DZIP1: variants seen among roughly 807,000 people sequenced by gnomAD.
The protein encoded by DZIP1 is cilium assembly protein DZIP1.
Under a neutral mutation model 107.6 loss-of-function variants are expected in DZIP1, and 97 were observed. That is an observed-to-expected ratio of 0.90 (90% confidence interval 0.77 to 1.07). The LOEUF (loss-of-function observed/expected upper bound fraction) is 1.07, where lower values mean the gene tolerates loss of function less well. Among genes scored for constraint, DZIP1 ranks in the 50% least tolerant of loss-of-function variants. The pLI is 0.00. For synonymous variants in DZIP1, 390 were observed against 386.4 expected, an observed-to-expected ratio of 1.01 and a Z score of -0.11; for missense variants, 1,035 against 1,063.6, an observed-to-expected ratio of 0.97 and a Z score of 0.37.
At chr13:95,642,329 A>G (rs1351294758) in intron 3 of DZIP1, 88 bp from the exon 4 acceptor site, 2 of 350,106 alleles carry the variant, frequency 5.7e-6, no homozygotes, top group South Asian at 9.7e-5. Context: ...CCGGCTCCCC[A>G]GGGCGCCACC....
chr13:95,609,655 T>C (rs2044915916), intron 12 of DZIP1, 142 bp from the exon 13 acceptor site: 2 of 462,252 alleles, frequency 4.3e-6, no homozygotes, highest in African/African-American at 2.0e-5. Context: ...AGAATAAATA[T>C]GTGTAACATA....
At position 95,580,691 on chromosome 13, in the gene DZIP1, A is replaced by G. The variant is rs1299422900; in HGVS notation, c.*1543T>C. 1 of 152,224 alleles carries G rather than the reference A, an allele frequency of 6.6e-6. No homozygotes were observed. The highest frequency in any genetic ancestry group is 1.5e-5 in the Non-Finnish European group (1 of 68,038). 9.4% of individuals were successfully genotyped at this position (152,224 alleles called of 1,614,324 possible). A position where few individuals can be genotyped will look rare whatever the true frequency, so the allele number is the denominator to read the frequency against. ...AACCAGACCAAGTGGTTCAATAAATATCTGCTGAATAAATAAATGAATGAA... is the reference window on the plus strand; with the variant it reads ...AACCAGACCAAGTGGTTCAATAAATGTCTGCTGAATAAATAAATGAATGAA... On this transcript the variant is annotated 3_prime_UTR_variant, in exon 23 of 23. Transcript: ENST00000376829.
At position 95,641,809 on chromosome 13, in the gene DZIP1, C is replaced by G. The variant is rs767788184; in HGVS notation, c.83G>C (p.Gly28Ala). The change falls in exon 5 of 23, where the codon GGG (glycine) becomes GCG (alanine). Residue 28 changes from glycine (G) to alanine (A), a missense_variant. Coordinates refer to ENST00000376829, the MANE Select transcript of DZIP1 (RefSeq NM_198968.4). The surrounding 1 kb of genome is among the most constrained non-coding windows in gnomAD (Gnocchi z 4.3). ...GGCGGCGGCCACAGCGACGTCGGGC[C>G]CCTCTGGGCCGCTGGCGAGCGGGTA... ...VYYPLASGPE[G>A]PDVAVAAAAA... is the part of the protein sequence containing the mutation. The G allele has an allele frequency of 6.8e-7, 1 of 1,479,340 alleles. No individual in the cohort carries two copies. Among genetic ancestry groups the G allele is most frequent in the Non-Finnish European group, 8.9e-7 (1 of 1,124,904 alleles). The allele number at this position is 1,479,340 out of a possible 1,614,324, so 91.6% of individuals were successfully genotyped here.
chr13:95,593,246 T>A (rs1041059743), intron 16 of DZIP1, among the ~76,000 whole-genome samples: 14 of 152,182 alleles, frequency 9.2e-5, no homozygotes, highest in African/African-American at 3.4e-4. Context: ...CATACACACA[T>A]GGATACATAC....
Position 95,642,040 on chromosome 13 carries a change from G to T in DZIP1, c.-11C>A. The T allele has an allele frequency of 6.4e-7, 1 of 1,566,410 alleles. No homozygotes were observed. The highest frequency in any genetic ancestry group is 8.6e-7 in the Non-Finnish European group (1 of 1,162,146). On this transcript the variant is annotated 5_prime_UTR_variant, in exon 4 of 23. Coordinates refer to ENST00000376829, the MANE Select transcript of DZIP1 (RefSeq NM_198968.4). ...TGCCTCAGCTTGCATAGGAGGAGCC[G>T]GGCGGTCTTTACCCAGCCTGGGCCG...
intron 10 of DZIP1, among the ~76,000 whole-genome samples, chr13:95,615,090 G>A (rs996732837): frequency 5.9e-5 from 9 of 152,162 alleles, no homozygotes; most frequent in Admixed American, 5.9e-4. Flanking sequence ...AAGGAGTGCA[G>A]CCTAGTGGTG....
chr13:95,640,964 G>A (rs1306562380), intron 5 of DZIP1, among the ~76,000 whole-genome samples: 1 of 152,138 alleles, frequency 6.6e-6, no homozygotes, highest in Non-Finnish European at 1.5e-5. Flanking sequence ...GCATCGTTTG[G>A]GGACTGGCTT....
At chr13:95,637,374 G>A (rs1160833877) in intron 5 of DZIP1, among the ~76,000 whole-genome samples, 2 of 152,144 alleles carry the variant, frequency 1.3e-5, no homozygotes, top group African/African-American at 4.8e-5. Flanking sequence ...CTCCAACTGT[G>A]ACTGTGTTTG....
At position 95,642,064 on chromosome 13, in the gene DZIP1, C is replaced by T. The variant is rs1478954953; in HGVS notation, c.-35G>A. 6.6e-7 allele frequency: 1 copy of T among 1,509,036 alleles called. No homozygotes were observed. The highest frequency in any genetic ancestry group is 2.7e-5 in the East Asian group (1 of 37,164). 93.5% of individuals were successfully genotyped at this position (1,509,036 alleles called of 1,614,324 possible). ...CGGGCGGTCTTTACCCAGCCTGGGCCGCCTCCCGGGCCGCCGCCGCCACAG... is the reference window on the plus strand; with the variant it reads ...CGGGCGGTCTTTACCCAGCCTGGGCTGCCTCCCGGGCCGCCGCCGCCACAG... On this transcript the variant is annotated 5_prime_UTR_variant, in exon 4 of 23. Coordinates refer to ENST00000376829, the MANE Select transcript of DZIP1 (RefSeq NM_198968.4).
At position 95,641,566 on chromosome 13, in the gene DZIP1, C is replaced by T. The variant is rs749077751; in HGVS notation, c.326G>A (p.Cys109Tyr). 1.2e-6 allele frequency: 2 copies of T among 1,613,784 alleles called. No individual in the cohort carries two copies. The highest frequency in any genetic ancestry group is 1.7e-6 in the Non-Finnish European group (2 of 1,180,034). The change falls in exon 5 of 23, where the codon TGC becomes TAC. Residue 109 changes from cysteine to tyrosine, a missense_variant. Transcript: ENST00000376829. The surrounding 1 kb of genome is among the most constrained non-coding windows in gnomAD (Gnocchi z 4.3). ...CAGCACCGGGTCCACCCCCGACTGGCAGTGTGGGCACTTCTCGTCTTCCAG... is the reference window on the plus strand; with the variant it reads ...CAGCACCGGGTCCACCCCCGACTGGTAGTGTGGGCACTTCTCGTCTTCCAG... ...CKLEDEKCPH[C>Y]QSGVDPVLLK...
intron 22 of DZIP1, among the ~76,000 whole-genome samples, chr13:95,583,678 C>T (rs1483095594): frequency 1.3e-5 from 2 of 152,064 alleles, no homozygotes; most frequent in Non-Finnish European, 2.9e-5. Context: ...GAGAAACCTC[C>T]CTTGGGAGAA....
At chr13:95,624,304 G>A (rs1459184885) in intron 8 of DZIP1, among the ~76,000 whole-genome samples, 4 of 152,152 alleles carry the variant, frequency 2.6e-5, no homozygotes, top group Non-Finnish European at 5.9e-5. Context: ...GTATGGACCA[G>A]GGCTGTTCCC....
In DZIP1 at chr13:95,589,206, T is replaced by A; in HGVS notation, c.1975A>T (p.Ile659Phe). 6.3e-7 allele frequency: 1 copy of A among 1,597,080 alleles called. No individual in the cohort carries two copies. Among genetic ancestry groups the A allele is most frequent in the Non-Finnish European group, 8.5e-7 (1 of 1,169,742 alleles). Residue 659 changes from isoleucine to phenylalanine, a missense_variant and splice_region_variant, in exon 19 of 23, where the codon ATT becomes TTT. Transcript: ENST00000376829. Reference sequence around the variant, plus strand: ...GGATCTTCCATGACATTTTTCTTAATTCTAAAAAAACAACAGAAAAATATT... The same window carrying A: ...GGATCTTCCATGACATTTTTCTTAAATCTAAAAAAACAACAGAAAAATATT... Reference protein sequence around the residue: ...VSTDRTSVPKIKKNVMEDPFP... With the variant: ...VSTDRTSVPKFKKNVMEDPFP...
At chr13:95,633,776 G>A (rs1350280082) in intron 5 of DZIP1, among the ~76,000 whole-genome samples, 2 of 151,244 alleles carry the variant, frequency 1.3e-5, no homozygotes, top group Non-Finnish European at 2.9e-5. Context: ...GATACTGAAA[G>A]CATGACTAAT....
chr13:95,623,861 C>T (rs1006296247), intron 8 of DZIP1, among the ~76,000 whole-genome samples: 1 of 152,146 alleles, frequency 6.6e-6, no homozygotes, highest in African/African-American at 2.4e-5. Context: ...ATCACTTGAA[C>T]CCAGGAGGCA....
intron 14 of DZIP1, among the ~76,000 whole-genome samples, chr13:95,599,840 C>T (rs2044562334): frequency 6.6e-6 from 1 of 152,182 alleles, no homozygotes; most frequent in East Asian, 1.9e-4. Context: ...TCCTGGGATT[C>T]CCACTTGTTC....
At chr13:95,612,385 C>T (rs756390467) in intron 10 of DZIP1, among the ~76,000 whole-genome samples, 4 of 152,164 alleles carry the variant, frequency 2.6e-5, no homozygotes, top group African/African-American at 9.7e-5. Flanking sequence ...GCTCACGTCC[C>T]CAAATAGACA....
At position 95,587,592 on chromosome 13, in the gene DZIP1, T is replaced by A; in HGVS notation, c.2165A>T (p.Asp722Val). The change falls in exon 20 of 23, where the codon GAC (aspartate) becomes GTC (valine). Residue 722 changes from aspartate to valine, a missense_variant. Asp to Val is a radical substitution (Grantham distance 152, BLOSUM62 -3). Coordinates refer to ENST00000376829, the MANE Select transcript of DZIP1 (RefSeq NM_198968.4). ...CTCGATTTCGCTTCCCTCGGTCCCGTCCGCGTCACTTTTCACTGTGTTCTT... is the reference window on the plus strand; with the variant it reads ...CTCGATTTCGCTTCCCTCGGTCCCGACCGCGTCACTTTTCACTGTGTTCTT... ...FGKNTVKSDA[D>V]GTEGSEIEDT... 6.2e-7 allele frequency: 1 copy of A among 1,614,044 alleles called. No individual in the cohort carries two copies. The highest frequency in any genetic ancestry group is 8.5e-7 in the Non-Finnish European group (1 of 1,179,994).
At chr13:95,618,616 C>A (rs1875440368) in intron 10 of DZIP1, among the ~76,000 whole-genome samples, 1 of 151,966 alleles carries the variant, frequency 6.6e-6, no homozygotes, top group African/African-American at 2.4e-5. Flanking sequence ...TAGTATTGTT[C>A]CCAGTTTCTT....
Sources: gnomAD v4.1 joint callset for allele counts (sites outside exome capture counted in the v4.1 genomes callset) on GRCh38, gnomAD v4.1.1 for gene constraint, Gnocchi (gnomAD v3.1) non-coding constraint, MANE v1.5 for transcripts, NCBI Gene and HGNC (gene_info 2026-07-23, HGNC 2026-07-21) for gene names.